The following VEZF1 variants were observed in gnomAD, a reference collection of about 807,000 sequenced individuals.
The protein encoded by VEZF1 is putative transcription factor DB1.
VEZF1 carries 5 observed loss-of-function variants against 44.1 expected under a neutral mutation model. That is an observed-to-expected ratio of 0.11 (90% CI 0.06 to 0.24). The LOEUF is 0.24. VEZF1 is among the 10% of genes least tolerant of loss of function. The probability of loss-of-function intolerance (pLI) is 1.00; values close to 1 mark genes in which losing one functional copy is unlikely to be tolerated. For missense variants in VEZF1, 358 were observed against 641.8 expected (o/e 0.56, Z 4.78); for synonymous variants, 236 against 233.1 (o/e 1.01, Z -0.11).
chr17:57,974,758 T>C lies in VEZF1; in HGVS notation c.1281A>G (p.Pro427=), dbSNP rs1357163860. The change falls in exon 6 of 6, where the codon CCA becomes CCG. Residue 427 remains proline, a synonymous_variant. Coordinates refer to ENST00000581208, the MANE Select transcript of VEZF1 (RefSeq NM_007146.3). The part of the protein sequence containing the change: ...TVAAAMSMRS[P]VNVSSAVNIT... ...TGTTAACTGCACTTGAAACATTTAC[T>C]GGACTTCTCATGCTCATTGCAGCTG... The C allele has an allele frequency of 3.1e-6, 5 of 1,614,096 alleles. No homozygotes were observed. Among genetic ancestry groups the C allele is most frequent in the East Asian group, 4.5e-5 (2 of 44,900 alleles).
intron 1 of VEZF1, among the ~76,000 whole-genome samples, chr17:57,984,452 T>C (rs1034814200): frequency 6.6e-6 from 1 of 152,218 alleles, no homozygotes; most frequent in Admixed American, 6.5e-5. Flanking sequence ...TACGTTGTTC[T>C]TTACCAACAT....
Position 57,981,892 on chromosome 17 carries a change from T to C in VEZF1, c.773A>G (p.Glu258Gly). Residue 258 changes from glutamate (E) to glycine (G), a missense_variant, in exon 3 of 6, where the codon GAA becomes GGA. Physicochemically the swap from Glu to Gly is moderately conservative, Grantham distance 98. Transcript: ENST00000581208. ...SCHVKHVHST[E>G]RPFKCQTCTA... is the part of the protein sequence containing the mutation. The stretch of plus-strand genomic sequence containing the variant: ...TCTTACTTGGCATTTGAAGGGTCTT[T>C]CTGTTGAATGGACATGTTTTACATG... 6.2e-7 allele frequency: 1 copy of C among 1,614,186 alleles called. No homozygotes were observed. The highest frequency in any genetic ancestry group is 8.5e-7 in the Non-Finnish European group (1 of 1,180,006).
At chr17:57,979,510 A>G (rs114103139) in intron 4 of VEZF1, among the ~76,000 whole-genome samples, 197 bp from the exon 5 acceptor site, 2,134 of 151,902 alleles carry the variant, frequency 0.014, 57 homozygotes, top group African/African-American at 0.049. Flanking sequence ...AGCAAAAATC[A>G]ATATAAAAGA....
At chr17:57,979,359 G>GT in intron 4 of VEZF1, 46 bp from the exon 5 acceptor site, 1 of 1,593,146 alleles carries the variant, frequency 6.3e-7, no homozygotes, top group Middle Eastern at 1.7e-4. Flanking sequence ...CTGTAAAACT[G>GT]TTGCCGTTTT....
chr17:57,978,656 GAA>G (rs961907932), intron 5 of VEZF1, among the ~76,000 whole-genome samples: 1 of 152,090 alleles, frequency 6.6e-6, no homozygotes, highest in African/African-American at 2.4e-5. Flanking sequence ...GTGACCAAGA[GAA>G]AAGACATCAA....
intron 1 of VEZF1, among the ~76,000 whole-genome samples, chr17:57,986,556 T>C (rs1228531777): frequency 3.9e-5 from 6 of 152,180 alleles, no homozygotes; most frequent in Admixed American, 6.5e-5. Flanking sequence ...ACAACACTGA[T>C]CAGAATGAGA....
chr17:57,984,250 C>A (rs1227258178), intron 1 of VEZF1, among the ~76,000 whole-genome samples: 1 of 152,196 alleles, frequency 6.6e-6, no homozygotes, highest in Admixed American at 6.5e-5. Context: ...TTATGATGTG[C>A]TTCTCCACTC....
chr17:57,984,402 A>T (rs948102399), intron 1 of VEZF1, among the ~76,000 whole-genome samples: 2 of 152,220 alleles, frequency 1.3e-5, no homozygotes, highest in African/African-American at 4.8e-5. Context: ...ATAAACATTT[A>T]GGAAATGATG....
At chr17:57,982,076 G>A in intron 2 of VEZF1, 140 bp from the exon 3 acceptor site, 1 of 784,904 alleles carries the variant, frequency 1.3e-6, no homozygotes. Context: ...CCCTCCCCCG[G>A]TGCAAGTCTC....
Position 57,988,143 on chromosome 17 carries a change from TC to T in VEZF1, c.-33del. 7.1e-5 allele frequency: 47 copies of T among 659,710 alleles called. No homozygotes were observed. The highest frequency in any genetic ancestry group is 8.2e-5 in the Non-Finnish European group (42 of 510,194). The allele number at this position is 659,710 out of a possible 1,614,324, so 40.9% of individuals were successfully genotyped here. ...GGCGGCCGACCCCCCTCCTCCCCACTCCCCCCGCTCGGGGAGCCTCCTCAGC... is the reference window on the plus strand; with the variant it reads ...GGCGGCCGACCCCCCTCCTCCCCACTCCCCCGCTCGGGGAGCCTCCTCAGC... On this transcript the variant is annotated 5_prime_UTR_variant, in exon 1 of 6. Transcript: ENST00000581208.
rs761984769 is a variant in VEZF1, at chr17:57,979,293, T to C, written c.997A>G (p.Ser333Gly). 3.7e-6 allele frequency: 6 copies of C among 1,613,552 alleles called. 1 individual carries two copies. In the South Asian group the frequency reaches 5.5e-5, roughly 15 times the overall value. Residue 333 changes from serine (S) to glycine (G), a missense_variant, in exon 5 of 6, where the codon AGT becomes GGT. By Grantham distance (56) the Ser-to-Gly change is moderately conservative. Around this residue, in one of 4 missense-constraint regions of VEZF1, gnomAD observed 171 missense variants for 272.4 expected, o/e 0.63. Transcript: ENST00000581208. ...ISKTCMSEET[S>G]NQKQQQQQQQ... ...TGCTGCTGCTGCTGCTTTTGGTTAC[T>C]GGTCTCTTCACTCATGCATGCTATT...
intron 5 of VEZF1, among the ~76,000 whole-genome samples, chr17:57,978,082 C>T (rs1217787670): frequency 6.6e-6 from 1 of 150,822 alleles, no homozygotes; most frequent in Non-Finnish European, 1.5e-5. Flanking sequence ...ACACACCTGT[C>T]GTCCTGGCTA....
chr17:57,977,615 C>T (rs1423053648), intron 5 of VEZF1, among the ~76,000 whole-genome samples: 6 of 152,032 alleles, frequency 3.9e-5, no homozygotes, highest in Admixed American at 1.3e-4. Context: ...GAGGGTGAGG[C>T]GGGCAGATCA....
At chr17:57,981,223 T>C (rs142251185) in intron 3 of VEZF1, among the ~76,000 whole-genome samples, 1 of 152,318 alleles carries the variant, frequency 6.6e-6, no homozygotes, top group Non-Finnish European at 1.5e-5. Flanking sequence ...CTTCCTCCAA[T>C]TAGATCTTTC....
At chr17:57,979,079 AC>A in intron 5 of VEZF1, 72 bp downstream of exon 5, 1 of 1,547,540 alleles carries the variant, frequency 6.5e-7, no homozygotes, top group Non-Finnish European at 8.7e-7. Flanking sequence ...TGGCTTCTCT[AC>A]TTTGATCACT....
chr17:57,974,137 G>A lies in VEZF1; in HGVS notation c.*336C>T, dbSNP rs2333079. On this transcript the variant is annotated 3_prime_UTR_variant, in exon 6 of 6. Coordinates refer to ENST00000581208, the MANE Select transcript of VEZF1 (RefSeq NM_007146.3). ...TGTTTACAATAAAGTGATTCCTTGG[G>A]ATTAGAAATAGTAATGCTGTTTTTT... The A allele has an allele frequency of 3.5e-6, 1 of 284,066 alleles. No homozygotes were observed. Among genetic ancestry groups the A allele is most frequent in the Non-Finnish European group, 6.7e-6 (1 of 150,362 alleles). The allele number at this position is 284,066 out of a possible 1,614,324, so 17.6% of individuals were successfully genotyped here.
chr17:57,985,387 A>T, intron 1 of VEZF1: 1 of 1,228,164 alleles, frequency 8.1e-7, no homozygotes, highest in Non-Finnish European at 1.0e-6. Context: ...TACAGGAATC[A>T]CTCTCTGAGG....
At chr17:57,975,489 AATG>A (rs1157611614) in intron 5 of VEZF1, among the ~76,000 whole-genome samples, 1 of 152,274 alleles carries the variant, frequency 6.6e-6, no homozygotes, top group African/African-American at 2.4e-5. Flanking sequence ...ATAATTGGGG[AATG>A]ATAAACAAGC....
At position 57,983,065 on chromosome 17, in the gene VEZF1, C is replaced by G; in HGVS notation, c.362G>C (p.Gly121Ala). ...GACCAACGAAGTTCGGCTGCTGTCC[C>G]CAGCGATGGTAGAGATAAGGGGAAC... ...TVVPLISTIA[G>A]DSSRTSLVST... is the part of the protein sequence containing the mutation. Residue 121 changes from glycine (G) to alanine (A), a missense_variant, in exon 2 of 6, where the codon GGG becomes GCG. By Grantham distance (60) the Gly-to-Ala change is moderately conservative. This residue lies in a region of VEZF1 where 117 missense variants were observed against 207.2 expected (regional missense o/e 0.56). Transcript: ENST00000581208. 1 of 1,614,136 alleles carries G rather than the reference C, an allele frequency of 6.2e-7. No homozygotes were observed. Among genetic ancestry groups the G allele is most frequent in the East Asian group, 2.2e-5 (1 of 44,876 alleles).
Sources: allele counts gnomAD v4.1 joint callset (sites outside exome capture counted in the v4.1 genomes callset), GRCh38; gene constraint gnomAD v4.1.1; regional missense constraint gnomAD v4.1.1; transcripts MANE v1.5; gene names NCBI Gene and HGNC (gene_info 2026-07-23, HGNC 2026-07-21).